The following GRHL2 variants were observed in gnomAD, a reference collection of about 807,000 sequenced individuals.
GRHL2 encodes grainyhead-like protein 2 homolog.
GRHL2 carries 21 observed loss-of-function variants against 83.8 expected under a neutral mutation model. The observed-to-expected ratio is 0.25, with a 90% CI of 0.18 to 0.36. GRHL2 has a LOEUF of 0.36. Ranked by LOEUF, GRHL2 falls within the 10% of genes least tolerant of loss-of-function variation. GRHL2 has a pLI of 1.00. For synonymous variants in GRHL2, 280 were observed against 278.9 expected (o/e 1.00, Z -0.04); for missense variants, 623 against 781.8 (o/e 0.80, Z 2.42).
At chr8:101,558,271 A>T (rs951879479) in intron 3 of GRHL2, 148 bp from the exon 4 acceptor site, 6 of 858,698 alleles carry the variant, frequency 7.0e-6, no homozygotes, top group Admixed American at 2.1e-5. Context: ...CAAGGATCCC[A>T]TTGCGTTTCG....
At chr8:101,654,874 A>C (rs1395842487) in intron 14 of GRHL2, among the ~76,000 whole-genome samples, 4 of 152,158 alleles carry the variant, frequency 2.6e-5, no homozygotes, top group Non-Finnish European at 5.9e-5. Flanking sequence ...AGTATTTTTG[A>C]GTTTGTCTTC....
At chr8:101,606,278 G>C (rs1045228681) in intron 8 of GRHL2, among the ~76,000 whole-genome samples, 1 of 152,154 alleles carries the variant, frequency 6.6e-6, no homozygotes, top group Non-Finnish European at 1.5e-5. Context: ...CAAATGCATT[G>C]GATTTACAAA....
At chr8:101,573,028 T>C (rs1811858558) in intron 5 of GRHL2, among the ~76,000 whole-genome samples, 5 of 152,216 alleles carry the variant, frequency 3.3e-5, no homozygotes, top group Admixed American at 3.3e-4. Flanking sequence ...GGCAATGAGA[T>C]GGATTTGGCC....
At position 101,666,578 on chromosome 8, in the gene GRHL2, C is replaced by G. The variant is rs554032212; in HGVS notation, c.1764-11C>G. The G allele has an allele frequency of 4.3e-5, 67 of 1,541,964 alleles. No homozygotes were observed. The Middle Eastern group carries it at 5.0e-4, about 12-fold the overall frequency. On this transcript the variant is annotated splice_polypyrimidine_tract_variant and intron_variant, in intron 15 of 15. Transcript: ENST00000646743. ...TCTTTGTTTTTCACACCCCTCCCCC[C>G]TCCATGGCAGCATCTTGGTGAACAT...
At chr8:101,664,109 T>C (rs1016944020) in intron 14 of GRHL2, among the ~76,000 whole-genome samples, 1 of 152,220 alleles carries the variant, frequency 6.6e-6, no homozygotes, top group Admixed American at 6.5e-5. Context: ...CAAATGTATT[T>C]TGGTGTAAGG....
In GRHL2 at chr8:101,516,933, A is replaced by G. The variant is rs995722842; in HGVS notation, c.20+24144A>G. On this transcript the variant is annotated intron_variant, in intron 1 of 15. Coordinates refer to ENST00000646743, the MANE Select transcript of GRHL2 (RefSeq NM_024915.4). The stretch of plus-strand genomic sequence containing the variant: ...AAGCCTGGGCATTTGAAGGTGTGGC[A>G]GGGTGGAAAACTCACATACCTTGGT... Among the ~76,000 whole-genome samples the G allele has an allele frequency of 2.6e-5, 4 of 152,316 alleles. No individual in the cohort carries two copies. In the East Asian group the frequency reaches 7.7e-4, roughly 29 times the overall value.
At chr8:101,585,141 A>C (rs1812138406) in intron 7 of GRHL2, among the ~76,000 whole-genome samples, 1 of 152,234 alleles carries the variant, frequency 6.6e-6, no homozygotes, top group Non-Finnish European at 1.5e-5. Context: ...CTGGGAGACA[A>C]GAGCACCAGC....
intron 1 of GRHL2, among the ~76,000 whole-genome samples, chr8:101,528,061 G>GT (rs1011402099): frequency 2.0e-5 from 3 of 151,866 alleles, no homozygotes; most frequent in South Asian, 2.1e-4. Flanking sequence ...CAATACTCAA[G>GT]TTTTTTTTCA....
intron 9 of GRHL2, among the ~76,000 whole-genome samples, chr8:101,631,432 C>G (rs371309618): frequency 1.4e-4 from 22 of 152,150 alleles, no homozygotes; most frequent in African/African-American, 5.3e-4. Flanking sequence ...GGTGGGATCC[C>G]TCACAGGTCA....
At chr8:101,654,838 G>A (rs4734567) in intron 14 of GRHL2, among the ~76,000 whole-genome samples, 59,595 of 151,976 alleles carry the variant, frequency 0.39, 14,202 homozygotes, top group African/African-American at 0.67. Context: ...CTTATACTCA[G>A]CAGACATTAT....
chr8:101,652,684 C>T (rs1191954150), intron 14 of GRHL2, among the ~76,000 whole-genome samples: 1 of 151,172 alleles, frequency 6.6e-6, no homozygotes, highest in Non-Finnish European at 1.5e-5. Context: ...CTCAGAAAAC[C>T]TGTGTTCAAA....
chr8:101,597,427 A>G (rs1812413127), intron 7 of GRHL2, among the ~76,000 whole-genome samples: 1 of 152,120 alleles, frequency 6.6e-6, no homozygotes, highest in Admixed American at 6.5e-5. Flanking sequence ...CTTGGAACCA[A>G]CCCAAATGTC....
In GRHL2 at chr8:101,492,494, T is replaced by G; in HGVS notation, c.-276T>G. Reference sequence around the variant, plus strand: ...CCACTTTCTGCTCTGTGTCTGCCCATTGCCACGATCCAGGAGGACTCCGCG... The same window carrying G: ...CCACTTTCTGCTCTGTGTCTGCCCAGTGCCACGATCCAGGAGGACTCCGCG... On this transcript the variant is annotated 5_prime_UTR_variant, in exon 1 of 16. Transcript: ENST00000646743. The G allele has an allele frequency of 3.5e-6, 2 of 574,390 alleles. No individual in the cohort carries two copies. The highest frequency in any genetic ancestry group is 6.2e-6 in the Non-Finnish European group (2 of 320,676). The allele number at this position is 574,390 out of a possible 1,614,324, so 35.6% of individuals were successfully genotyped here. A position where few individuals can be genotyped will look rare whatever the true frequency, so the allele number is the denominator to read the frequency against.
downstream of GRHL2, among the ~76,000 whole-genome samples, chr8:101,673,386 G>T (rs868311808): frequency 6.6e-6 from 1 of 151,954 alleles, no homozygotes; most frequent in African/African-American, 2.4e-5. Flanking sequence ...AACAAAAAAA[G>T]GCAGGGGTTG....
chr8:101,608,941 G>T (rs1020927156), intron 8 of GRHL2, among the ~76,000 whole-genome samples: 11 of 150,262 alleles, frequency 7.3e-5, no homozygotes, highest in African/African-American at 2.8e-4. Context: ...ACAAGGGGGT[G>T]TCCAAAGGTG....
intron 1 of GRHL2, among the ~76,000 whole-genome samples, chr8:101,526,809 A>G (rs1169168404): frequency 6.6e-6 from 1 of 152,222 alleles, no homozygotes; most frequent in African/African-American, 2.4e-5. Context: ...AAAGTGCTTT[A>G]CACGTACTTC....
intron 14 of GRHL2, among the ~76,000 whole-genome samples, chr8:101,660,297 T>TC (rs550545426): frequency 6.6e-6 from 1 of 152,352 alleles, no homozygotes; most frequent in South Asian, 2.1e-4. Flanking sequence ...ATATATCATA[T>TC]CATTATATCA....
chr8:101,594,161 AAGCGGAG>A (rs1266999003), intron 7 of GRHL2, among the ~76,000 whole-genome samples: 1 of 151,536 alleles, frequency 6.6e-6, no homozygotes, highest in Non-Finnish European at 1.5e-5. Context: ...GTGAAGACAG[AAGCGGAG>A]ATCGGAGATC....
chr8:101,642,925 A>G (rs1267226076), intron 12 of GRHL2, among the ~76,000 whole-genome samples: 1 of 152,196 alleles, frequency 6.6e-6, no homozygotes, highest in Non-Finnish European at 1.5e-5. Context: ...CCTTTTAAAT[A>G]TAAGGAGACT....
Sources: gnomAD v4.1 joint callset for allele counts (sites outside exome capture counted in the v4.1 genomes callset) on GRCh38, gnomAD v4.1.1 for gene constraint, MANE v1.5 for transcripts, NCBI Gene and HGNC (gene_info 2026-07-23, HGNC 2026-07-21) for gene names.